The following DTNA variants were observed in gnomAD, a reference collection of about 807,000 sequenced individuals.
DTNA encodes the protein dystrophin-related protein 3.
A neutral mutation model predicts 100.7 loss-of-function variants in DTNA; 43 were observed. The observed-to-expected ratio is 0.43, with a 90% CI of 0.33 to 0.55. DTNA has a LOEUF of 0.55. DTNA is among the 20% of genes least tolerant of loss of function. DTNA has a pLI of 0.04. For missense variants in DTNA, 798 were observed against 953.9 expected, an observed-to-expected ratio of 0.84 and a Z score of 2.15; for synonymous variants, 349 against 347.9, an observed-to-expected ratio of 1.00 and a Z score of -0.04.
intron 1 of DTNA, among the ~76,000 whole-genome samples, chr18:34,749,104 A>G (rs1308208190): frequency 6.6e-6 from 1 of 151,764 alleles, no homozygotes; most frequent in Non-Finnish European, 1.5e-5. Flanking sequence ...TGAGTTCTGG[A>G]TTTGGTTCTC....
intron 1 of DTNA, among the ~76,000 whole-genome samples, chr18:34,753,196 AACAG>A (rs1218037042): frequency 1.3e-5 from 2 of 152,168 alleles, no homozygotes; most frequent in African/African-American, 2.4e-5. Context: ...CTTACAGAGA[AACAG>A]ACAAAGTGTT....
At chr18:34,535,954 TTCTC>T (rs1362486802) in intron 1 of DTNA, among the ~76,000 whole-genome samples, 4 of 152,080 alleles carry the variant, frequency 2.6e-5, no homozygotes, top group South Asian at 2.1e-4. Context: ...TTCTAATAAT[TTCTC>T]TCTCTTCCTG....
intron 1 of DTNA, among the ~76,000 whole-genome samples, chr18:34,628,901 A>G (rs1199790340): frequency 1.3e-5 from 2 of 152,182 alleles, no homozygotes; most frequent in Admixed American, 1.3e-4. Flanking sequence ...CTTAACTGAA[A>G]TAATGTTAAT....
intron 1 of DTNA, among the ~76,000 whole-genome samples, chr18:34,651,841 A>T (rs559895650): frequency 2.0e-4 from 31 of 152,210 alleles, no homozygotes; most frequent in African/African-American, 7.2e-4. Context: ...AGGTGGGAAG[A>T]TTGCTTGAGC....
At chr18:34,763,375 A>T (rs1392312420) in intron 2 of DTNA, among the ~76,000 whole-genome samples, 1 of 152,164 alleles carries the variant, frequency 6.6e-6, no homozygotes, top group African/African-American at 2.4e-5. Context: ...TCCAGTGACA[A>T]CTTAAGAATT....
chr18:34,711,719 G>A (rs16965787), intron 1 of DTNA, among the ~76,000 whole-genome samples: 16,713 of 151,992 alleles, frequency 0.11, 1,300 homozygotes, highest in African/African-American at 0.21. Context: ...TGTGATTTTC[G>A]TCGCTATTTC....
chr18:34,805,939 T>C (rs192324657), intron 4 of DTNA, among the ~76,000 whole-genome samples: 6 of 152,358 alleles, frequency 3.9e-5, no homozygotes, highest in African/African-American at 1.4e-4. Flanking sequence ...TTCCTCTGGC[T>C]ATCAGCCCAT....
intron 1 of DTNA, among the ~76,000 whole-genome samples, chr18:34,553,148 A>T (rs1435044951): frequency 6.7e-6 from 1 of 150,134 alleles, no homozygotes; most frequent in African/African-American, 2.5e-5. Context: ...GCATTTTTTC[A>T]TGTGTTTTTT....
At chr18:34,840,530 C>T (rs2096248624) in intron 13 of DTNA, among the ~76,000 whole-genome samples, 1 of 152,116 alleles carries the variant, frequency 6.6e-6, no homozygotes, top group Non-Finnish European at 1.5e-5. Context: ...TTGACCTTTT[C>T]TTAATTAAGG....
At chr18:34,777,068 C>T (rs556690429) in intron 3 of DTNA, among the ~76,000 whole-genome samples, 1 of 152,216 alleles carries the variant, frequency 6.6e-6, no homozygotes, top group Non-Finnish European at 1.5e-5. Flanking sequence ...TCCAGTTCCC[C>T]TATCCGCCTT....
At chr18:34,884,919 C>G in intron 22 of DTNA, 143 bp downstream of exon 22, 1 of 1,029,816 alleles carries the variant, frequency 9.7e-7, no homozygotes, top group Non-Finnish European at 1.5e-6. Context: ...ATCGAAGAGT[C>G]GTCTCAGTCT....
intron 1 of DTNA, among the ~76,000 whole-genome samples, chr18:34,749,769 G>A (rs2092126373): frequency 6.6e-6 from 1 of 151,968 alleles, no homozygotes; most frequent in Non-Finnish European, 1.5e-5. Flanking sequence ...TTTAGTAACA[G>A]CATTTTTGTA....
chr18:34,738,221 G>A (rs1377573601), intron 1 of DTNA, among the ~76,000 whole-genome samples: 3 of 152,160 alleles, frequency 2.0e-5, no homozygotes, highest in Non-Finnish European at 4.4e-5. Context: ...TCAAATTAAA[G>A]GCAGTAGGAA....
chr18:34,725,318 A>T (rs896518705), intron 1 of DTNA, among the ~76,000 whole-genome samples: 3 of 152,112 alleles, frequency 2.0e-5, no homozygotes, highest in Non-Finnish European at 2.9e-5. Context: ...CAACCTACAG[A>T]ATAGGAGAAA....
At chr18:34,780,355 G>T (rs1480957897) in intron 3 of DTNA, among the ~76,000 whole-genome samples, 1 of 152,182 alleles carries the variant, frequency 6.6e-6, no homozygotes, top group Non-Finnish European at 1.5e-5. Flanking sequence ...TAGACAGTCA[G>T]TGTCCTACAA....
intron 1 of DTNA, among the ~76,000 whole-genome samples, chr18:34,685,168 C>A (rs551263760): frequency 2.6e-5 from 4 of 152,266 alleles, no homozygotes; most frequent in African/African-American, 9.6e-5. Flanking sequence ...TGAATTTTGG[C>A]TTTTGTTGCC....
chr18:34,504,247 A>AT (rs1341282684), intron 1 of DTNA: 1 of 151,858 alleles, frequency 6.6e-6, no homozygotes, highest in Non-Finnish European at 1.5e-5. Flanking sequence ...TCCCATTGTC[A>AT]TTTTATCAAT....
Position 34,890,761 on chromosome 18 carries a change from G to A in DTNA, c.*3027G>A, listed in dbSNP as rs1013412746. The A allele has an allele frequency of 8.6e-6, 3 of 349,954 alleles. No individual in the cohort carries two copies. The South Asian group carries it at 1.4e-4, about 16-fold the overall frequency. The allele number at this position is 349,954 out of a possible 1,614,324, so 21.7% of individuals were successfully genotyped here. ...GGGTTCTTGAATGATCTACTATAAGGCAGGGAAGGTTCATTTGTAAGTAGT... is the reference window on the plus strand; with the variant it reads ...GGGTTCTTGAATGATCTACTATAAGACAGGGAAGGTTCATTTGTAAGTAGT... On this transcript the variant is annotated 3_prime_UTR_variant, in exon 23 of 23. Coordinates refer to ENST00000444659, the MANE Select transcript of DTNA (RefSeq NM_001386795.1).
intron 7 of DTNA, among the ~76,000 whole-genome samples, chr18:34,817,715 T>A (rs555296451): frequency 6.6e-6 from 1 of 152,190 alleles, no homozygotes; most frequent in South Asian, 2.1e-4. Flanking sequence ...TCCTTTCTTT[T>A]TTCTTCCTCT....
Sources: allele counts gnomAD v4.1 joint callset (sites outside exome capture counted in the v4.1 genomes callset), GRCh38; gene constraint gnomAD v4.1.1; transcripts MANE v1.5; gene names NCBI Gene and HGNC (gene_info 2026-07-23, HGNC 2026-07-21).